PARM1: variants seen among roughly 807,000 people sequenced by gnomAD.
PARM1 encodes the protein prostate androgen-regulated mucin-like protein 1, also known as WSC4, cell wall integrity and stress response component 4 homolog.
Under a neutral mutation model 24.6 loss-of-function variants are expected in PARM1, and 14 were observed. That is an observed-to-expected ratio of 0.57 (90% CI 0.38 to 0.89). The LOEUF (loss-of-function observed/expected upper bound fraction) is 0.89. Ranked by LOEUF, PARM1 falls within the 40% of genes least tolerant of loss-of-function variation. The pLI is 0.00. For synonymous variants in PARM1, 179 were observed against 156.6 expected (o/e 1.14, Z -1.07); for missense variants, 362 against 380.4 (o/e 0.95, Z 0.40).
chr4:75,004,304 G>T (rs1722733187), intron 1 of PARM1, among the ~76,000 whole-genome samples: 1 of 152,338 alleles, frequency 6.6e-6, no homozygotes, highest in South Asian at 2.1e-4. Flanking sequence ...TATTATCAGG[G>T]CTCCTAGCCT....
intron 1 of PARM1, among the ~76,000 whole-genome samples, chr4:74,972,205 G>A (rs758587143): frequency 6.6e-6 from 1 of 152,318 alleles, no homozygotes; most frequent in East Asian, 1.9e-4. Context: ...TGAAAACAGG[G>A]CCACATGGCT....
chr4:74,981,397 T>C (rs1233012510), intron 1 of PARM1, among the ~76,000 whole-genome samples: 1 of 152,050 alleles, frequency 6.6e-6, no homozygotes. Context: ...TCACTGATCA[T>C]TAGAGAAATG....
chr4:74,989,871 A>T (rs772283874), intron 1 of PARM1, among the ~76,000 whole-genome samples: 8 of 152,298 alleles, frequency 5.3e-5, no homozygotes, highest in Non-Finnish European at 8.8e-5. Context: ...GACCAAGTAT[A>T]TATATCACAA....
chr4:74,986,080 T>C (rs1388359544), intron 1 of PARM1, among the ~76,000 whole-genome samples: 2 of 152,178 alleles, frequency 1.3e-5, no homozygotes, highest in Non-Finnish European at 2.9e-5. Context: ...GAATAATTCA[T>C]TGTTTTGTTT....
chr4:74,983,278 C>T (rs1216549296), intron 1 of PARM1, among the ~76,000 whole-genome samples: 1 of 152,186 alleles, frequency 6.6e-6, no homozygotes, highest in African/African-American at 2.4e-5. Flanking sequence ...ACTAAAATAT[C>T]TATCCTTTTC....
intron 1 of PARM1, among the ~76,000 whole-genome samples, chr4:75,001,694 T>C (rs1722682984): frequency 6.6e-6 from 1 of 152,202 alleles, no homozygotes; most frequent in African/African-American, 2.4e-5. Context: ...GACTGGCATC[T>C]TCGGTGAAAA....
chr4:75,021,427 T>G (rs1723087032), intron 2 of PARM1, among the ~76,000 whole-genome samples: 1 of 152,160 alleles, frequency 6.6e-6, no homozygotes, highest in South Asian at 2.1e-4. Context: ...TCATATTTTT[T>G]TCTTTTGTGC....
At position 75,046,103 on chromosome 4, in the gene PARM1, G is replaced by T. The variant is rs528957323; in HGVS notation, c.849-60G>T. On this transcript the variant is annotated intron_variant, in intron 3 of 3. Transcript: ENST00000307428. ...TCCCCAGTTCAGTGCAGGGCATTACGCTGTCCTCAGATGGGCAACTTTTCC... is the reference window on the plus strand; with the variant it reads ...TCCCCAGTTCAGTGCAGGGCATTACTCTGTCCTCAGATGGGCAACTTTTCC... 11 of 1,059,046 alleles carry T rather than the reference G, an allele frequency of 1.0e-5. No individual in the cohort carries two copies. In the Middle Eastern group the frequency reaches 6.1e-4, roughly 59 times the overall value. The allele number at this position is 1,059,046 out of a possible 1,614,324, so 65.6% of individuals were successfully genotyped here.
intron 2 of PARM1, among the ~76,000 whole-genome samples, chr4:75,020,095 C>T (rs1394275997): frequency 1.4e-5 from 2 of 140,126 alleles, no homozygotes; most frequent in African/African-American, 5.2e-5. Context: ...TCATGTTTAA[C>T]TGACATATTA....
chr4:74,983,626 C>T (rs1722300132), intron 1 of PARM1, among the ~76,000 whole-genome samples: 1 of 152,178 alleles, frequency 6.6e-6, no homozygotes, highest in Admixed American at 6.5e-5. Context: ...TTCAACATCC[C>T]CTCCTGCTCC....
chr4:74,943,217 A>G (rs899362572), intron 1 of PARM1, among the ~76,000 whole-genome samples: 2 of 152,156 alleles, frequency 1.3e-5, no homozygotes, highest in Admixed American at 6.5e-5. Context: ...TCTTTAAAGC[A>G]TATCTTCCTC....
intron 1 of PARM1, among the ~76,000 whole-genome samples, chr4:74,973,231 T>C (rs1722074429): frequency 6.6e-6 from 1 of 152,172 alleles, no homozygotes. Flanking sequence ...CTGAATATTT[T>C]CACAGTGGTA....
At chr4:74,966,827 A>T (rs1217029745) in intron 1 of PARM1, 1 of 152,170 alleles carries the variant, frequency 6.6e-6, no homozygotes, top group Non-Finnish European at 1.5e-5. Flanking sequence ...CACATTCACC[A>T]TCTAGAGTTT....
intron 1 of PARM1, among the ~76,000 whole-genome samples, chr4:74,976,391 G>A (rs374383679): frequency 4.6e-5 from 7 of 152,180 alleles, no homozygotes; most frequent in African/African-American, 1.4e-4. Flanking sequence ...CTCACAGGGT[G>A]GGGCCTCCCT....
At chr4:74,948,559 G>A (rs1237437543) in intron 1 of PARM1, among the ~76,000 whole-genome samples, 2 of 152,192 alleles carry the variant, frequency 1.3e-5, no homozygotes. Flanking sequence ...AGGGAAGAGG[G>A]AAGTGGGCTG....
At chr4:75,041,852 G>A (rs181811379) in intron 3 of PARM1, among the ~76,000 whole-genome samples, 5 of 152,162 alleles carry the variant, frequency 3.3e-5, no homozygotes, top group South Asian at 4.2e-4. Flanking sequence ...TTTCCCCCTC[G>A]GGTTTTAATT....
intron 1 of PARM1, among the ~76,000 whole-genome samples, chr4:74,936,143 A>G (rs548005455): frequency 2.0e-4 from 31 of 152,204 alleles, no homozygotes; most frequent in African/African-American, 6.0e-4. Flanking sequence ...CCTCACTTCT[A>G]TTTCTAAAAG....
At chr4:75,002,376 C>T (rs772175381) in intron 1 of PARM1, among the ~76,000 whole-genome samples, 2 of 152,114 alleles carry the variant, frequency 1.3e-5, no homozygotes. Context: ...GGGTATGCCA[C>T]CCCTCGACTA....
intron 1 of PARM1, chr4:74,966,616 G>T (rs573129208): frequency 5.9e-5 from 9 of 152,320 alleles, no homozygotes; most frequent in South Asian, 2.1e-4. Flanking sequence ...CAAGGTTGAG[G>T]CCTGGTCAAG....
Sources: allele counts gnomAD v4.1 joint callset (sites outside exome capture counted in the v4.1 genomes callset), GRCh38; gene constraint gnomAD v4.1.1; transcripts MANE v1.5; gene names NCBI Gene and HGNC (gene_info 2026-07-23, HGNC 2026-07-21).